Variants in GRM4 observed in about 807,000 individuals in gnomAD.
GRM4 encodes the protein glutamate metabotropic receptor 4, also known as metabotropic glutamate receptor 4.
A neutral mutation model predicts 81.7 loss-of-function variants in GRM4; 28 were observed. That is an observed-to-expected ratio of 0.34 (90% CI 0.25 to 0.47). GRM4 has a LOEUF of 0.47. Among genes scored for constraint, GRM4 ranks in the 20% least tolerant of loss-of-function variants. GRM4 has a pLI of 1.00. For missense variants in GRM4, 948 were observed against 1,290.0 expected (o/e 0.73, Z 4.06); for synonymous variants, 488 against 528.8 (o/e 0.92, Z 1.06).
At chr6:34,103,931 C>T in intron 2 of GRM4, 4 of 1,139,248 alleles carry the variant, frequency 3.5e-6, no homozygotes, top group Non-Finnish European at 4.6e-6. Flanking sequence ...CAGAGCCAGC[C>T]ATGCACCTCT....
Position 34,047,280 on chromosome 6 carries a change from G to A in GRM4, c.1169-6532C>T, listed in dbSNP as rs9469695. 5.9e-4 allele frequency among the ~76,000 whole-genome samples: 90 copies of A among 152,166 alleles called. No homozygotes were observed. Among genetic ancestry groups the A allele is most frequent in the African/African-American group, 1.8e-3 (74 of 41,522 alleles). On this transcript the variant is annotated intron_variant, in intron 6 of 10. Coordinates refer to ENST00000538487, the MANE Select transcript of GRM4 (RefSeq NM_000841.4). The surrounding 1 kb of genome is among the most constrained non-coding windows in gnomAD (Gnocchi z 4.5). ...CAGCCTGGCTGGCACTGGCTCTAGT[G>A]CTGATTCTCCCCACTCCTTCCCCAC...
intron 2 of GRM4, among the ~76,000 whole-genome samples, chr6:34,099,298 GC>G (rs1230518856): frequency 6.6e-6 from 1 of 152,150 alleles, no homozygotes; most frequent in Non-Finnish European, 1.5e-5. Flanking sequence ...TGGTCAGATG[GC>G]CCTCAGCCTG....
chr6:34,128,363 C>CT (rs140475647), intron 2 of GRM4, among the ~76,000 whole-genome samples: 4,030 of 145,146 alleles, frequency 0.028, 157 homozygotes, highest in African/African-American at 0.083. Context: ...GACCTTAACT[C>CT]TTTTTTTTTT....
chr6:34,103,360 C>T (rs1022528535), intron 2 of GRM4, among the ~76,000 whole-genome samples: 1 of 152,102 alleles, frequency 6.6e-6, no homozygotes, highest in Non-Finnish European at 1.5e-5. Context: ...AAGAGGGGCC[C>T]GATAAGGCCC....
intron 2 of GRM4, among the ~76,000 whole-genome samples, chr6:34,122,281 A>G (rs528121425): frequency 1.3e-5 from 2 of 152,196 alleles, no homozygotes; most frequent in East Asian, 3.9e-4. Flanking sequence ...GGTGGAGGAC[A>G]TGAGAGGGGA....
chr6:34,056,530 GC>G lies in GRM4; in HGVS notation c.1168+13del, dbSNP rs767161659. The G allele has an allele frequency of 7.5e-6, 12 of 1,608,700 alleles. No individual in the cohort carries two copies. The African/African-American group carries it at 1.6e-4, about 21-fold the overall frequency. ...CCTAGAGCCCGCCCGGCCCTGCCCG[GC>G]CCGCGTGCTCACTGGTGCACTTCTT... On this transcript the variant is annotated intron_variant, in intron 6 of 10. Coordinates refer to ENST00000538487, the MANE Select transcript of GRM4 (RefSeq NM_000841.4).
At chr6:34,116,711 A>G (rs557527082) in intron 2 of GRM4, among the ~76,000 whole-genome samples, 1 of 152,368 alleles carries the variant, frequency 6.6e-6, no homozygotes, top group South Asian at 2.1e-4. Flanking sequence ...ACACGTACAC[A>G]AATGTTAAGA....
intron 2 of GRM4, among the ~76,000 whole-genome samples, chr6:34,102,671 C>T (rs1302117655): frequency 6.6e-6 from 1 of 152,240 alleles, no homozygotes; most frequent in Non-Finnish European, 1.5e-5. Context: ...CATTTAGTAT[C>T]CATCTCCCTC....
chr6:34,118,422 T>G (rs921339117), intron 2 of GRM4, among the ~76,000 whole-genome samples: 5 of 152,202 alleles, frequency 3.3e-5, no homozygotes, highest in Non-Finnish European at 5.9e-5. Flanking sequence ...CAGGGCACTG[T>G]GCTGGGGGGC....
intron 3 of GRM4, among the ~76,000 whole-genome samples, chr6:34,067,477 CCT>C (rs1241458315): frequency 1.4e-5 from 2 of 140,712 alleles, no homozygotes; most frequent in Non-Finnish European, 3.0e-5. Context: ...TCCCTCCCTC[CCT>C]CTCTTCCTTC....
At chr6:34,146,991 A>T (rs1313106457), upstream of GRM4, among the ~76,000 whole-genome samples, 2 of 150,546 alleles carry the variant, frequency 1.3e-5, no homozygotes, top group African/African-American at 2.5e-5. Flanking sequence ...GCTAGGCCAA[A>T]ACCACATCTC....
At chr6:34,086,789 G>A (rs551848605) in intron 3 of GRM4, among the ~76,000 whole-genome samples, 1 of 152,346 alleles carries the variant, frequency 6.6e-6, no homozygotes, top group Admixed American at 6.5e-5. Flanking sequence ...ATAATGAGCT[G>A]TCTTGAGAGC....
chr6:34,027,181 C>A (rs1764172424), intron 10 of GRM4, among the ~76,000 whole-genome samples: 1 of 152,064 alleles, frequency 6.6e-6, no homozygotes, highest in South Asian at 2.1e-4. Flanking sequence ...CCAGAGGTCG[C>A]AGGGCAGGAA....
chr6:34,032,600 G>A (rs1764492555), intron 9 of GRM4, among the ~76,000 whole-genome samples: 1 of 152,248 alleles, frequency 6.6e-6, no homozygotes, highest in Admixed American at 6.5e-5. Flanking sequence ...ACACTGGTGT[G>A]AGGCCAGCCT....
rs199541446 is a variant in GRM4, at chr6:34,133,066, A to G, written c.431T>C (p.Ile144Thr). 2.5e-6 allele frequency: 4 copies of G among 1,613,834 alleles called. No individual in the cohort carries two copies. The highest frequency in any genetic ancestry group is 3.4e-6 in the Non-Finnish European group (4 of 1,179,894). ...ACCCACCACACGTTCAGGCTTGGTG[A>G]TGATGGGTGGGCCGCCACTGCCACA... ...VRCGSGGPPI[I>T]TKPERVVGVI... Residue 144 changes from isoleucine (I) to threonine (T), a missense_variant, in exon 2 of 11, where the codon ATC becomes ACC. Transcript: ENST00000538487. The surrounding 1 kb of genome is among the most constrained non-coding windows in gnomAD (Gnocchi z 6.5).
chr6:34,067,526 C>T (rs1360038071), intron 3 of GRM4, among the ~76,000 whole-genome samples: 1 of 148,950 alleles, frequency 6.7e-6, no homozygotes, highest in Non-Finnish European at 1.5e-5. Context: ...CCATCCCTCC[C>T]TCCCTTTCTT....
At position 34,056,498 on chromosome 6, in the gene GRM4, G is replaced by C. The variant is rs773554853; in HGVS notation, c.1168+46C>G. ...CAGGCCCCCAGGCTCGGCCCTCCCC[G>C]GCTCCTCCTAGAGCCCGCCCGGCCC... is the stretch of plus-strand genomic sequence containing the variant. On this transcript the variant is annotated intron_variant, in intron 6 of 10. Transcript: ENST00000538487. 3.7e-5 allele frequency: 58 copies of C among 1,558,016 alleles called. No individual in the cohort carries two copies. In the Admixed American group the frequency reaches 4.0e-4, roughly 11 times the overall value.
In GRM4 at chr6:34,136,014, T is replaced by A. The variant is rs139687263; in HGVS notation, c.-363-2155A>T. On this transcript the variant is annotated intron_variant, in intron 1 of 10. Coordinates refer to ENST00000538487, the MANE Select transcript of GRM4 (RefSeq NM_000841.4). The surrounding 1 kb of genome is among the most constrained non-coding windows in gnomAD (Gnocchi z 4.1). ...GGGGCAGAGATGCTAACTGGCCAGCTGTGGGTGGGAGAGCCTGCACAGTTA... is the reference window on the plus strand; with the variant it reads ...GGGGCAGAGATGCTAACTGGCCAGCAGTGGGTGGGAGAGCCTGCACAGTTA... Among the ~76,000 whole-genome samples the A allele has an allele frequency of 2.6e-5, 4 of 152,318 alleles. No homozygotes were observed. The highest frequency in any genetic ancestry group is 7.2e-5 in the African/African-American group (3 of 41,562).
chr6:34,031,978 CACAA>C (rs957609709), intron 9 of GRM4, among the ~76,000 whole-genome samples: 19 of 151,978 alleles, frequency 1.3e-4, no homozygotes, highest in South Asian at 2.1e-4. Flanking sequence ...CTCACACACA[CACAA>C]ACACACACAC....
Sources: allele counts gnomAD v4.1 joint callset (sites outside exome capture counted in the v4.1 genomes callset), GRCh38; gene constraint gnomAD v4.1.1; non-coding constraint Gnocchi (gnomAD v3.1); transcripts MANE v1.5; gene names NCBI Gene and HGNC (gene_info 2026-07-23, HGNC 2026-07-21).